The following SLC35D4 variants were observed in gnomAD, a reference collection of about 807,000 sequenced individuals.
SLC35D4 encodes UDP-N-acetylglucosamine transporter SLC35D4.
the SLC35D4 span, among the ~76,000 whole-genome samples, chr18:23,386,004 T>C: frequency 1.6e-4 from 24 of 151,612 alleles, no homozygotes; most frequent in African/African-American, 5.3e-4. Flanking sequence ...ATGGTGGCAG[T>C]TGCCTGTAGT....
At chr18:23,254,313 T>A in the SLC35D4 span, among the ~76,000 whole-genome samples, 1 of 152,232 alleles carries the variant, frequency 6.6e-6, no homozygotes, top group Non-Finnish European at 1.5e-5. Context: ...GCTTCCTACT[T>A]CCTTAGCTGG....
chr18:23,361,020 T>C, the SLC35D4 span, among the ~76,000 whole-genome samples: 1 of 138,100 alleles, frequency 7.2e-6, no homozygotes, highest in Non-Finnish European at 1.5e-5. Context: ...GAGAATCACT[T>C]GAACCCAGGA....
the SLC35D4 span, among the ~76,000 whole-genome samples, chr18:23,291,532 G>A: frequency 2.6e-5 from 4 of 152,348 alleles, no homozygotes; most frequent in Non-Finnish European, 5.9e-5. Context: ...CTGGCAGATG[G>A]GCTGGTCTGG....
the SLC35D4 span, among the ~76,000 whole-genome samples, chr18:23,325,006 G>C: frequency 6.6e-6 from 1 of 152,186 alleles, no homozygotes; most frequent in Non-Finnish European, 1.5e-5. Flanking sequence ...TTTATCAGCA[G>C]ACCAGGGGCA....
chr18:23,372,047 T>C, the SLC35D4 span, among the ~76,000 whole-genome samples: 138,864 of 139,884 alleles, frequency 0.99, 68,941 homozygotes, highest in Middle Eastern at 1. Flanking sequence ...GCCATTCTCC[T>C]GCCTCAGCCT....
chr18:23,275,750 G>C, the SLC35D4 span, among the ~76,000 whole-genome samples: 4 of 152,138 alleles, frequency 2.6e-5, no homozygotes, highest in South Asian at 8.3e-4. Flanking sequence ...AAGTGGGATG[G>C]GGTGTTCTAG....
chr18:23,292,019 C>A, the SLC35D4 span, among the ~76,000 whole-genome samples: 6 of 152,194 alleles, frequency 3.9e-5, no homozygotes, highest in Non-Finnish European at 7.3e-5. Flanking sequence ...TGAGTCCCAG[C>A]CACTTGAACT....
chr18:23,243,499 GT>G, the SLC35D4 span, among the ~76,000 whole-genome samples: 1 of 47,126 alleles, frequency 2.1e-5, no homozygotes, highest in Non-Finnish European at 4.4e-5. Context: ...TGGTCTTTTT[GT>G]TGTTGTTAAC....
chr18:23,342,455 C>A, the SLC35D4 span, among the ~76,000 whole-genome samples: 1 of 151,864 alleles, frequency 6.6e-6, no homozygotes, highest in East Asian at 1.9e-4. Context: ...TATACTATAT[C>A]TTATTTATAT....
chr18:23,399,688 T>A, the SLC35D4 span: 3 of 1,605,684 alleles, frequency 1.9e-6, no homozygotes, highest in East Asian at 6.7e-5. Context: ...TTTGCCACTT[T>A]TTGTTAAGAA....
chr18:23,247,529 C>T, the SLC35D4 span, among the ~76,000 whole-genome samples: 3 of 152,196 alleles, frequency 2.0e-5, no homozygotes, highest in South Asian at 2.1e-4. Flanking sequence ...TGCAGCTGAG[C>T]GGGAGCAGGA....
At chr18:23,357,779 T>C in the SLC35D4 span, among the ~76,000 whole-genome samples, 2 of 152,226 alleles carry the variant, frequency 1.3e-5, no homozygotes, top group Non-Finnish European at 2.9e-5. Flanking sequence ...TTCAATTTCT[T>C]TGGAGGGCTT....
At chr18:23,256,233 C>G in the SLC35D4 span, among the ~76,000 whole-genome samples, 1 of 152,258 alleles carries the variant, frequency 6.6e-6, no homozygotes, top group African/African-American at 2.4e-5. Flanking sequence ...GAGGCCCTCC[C>G]TGTCCATCCC....
the SLC35D4 span, among the ~76,000 whole-genome samples, chr18:23,417,817 A>G: frequency 1.3e-5 from 2 of 152,354 alleles, no homozygotes; most frequent in South Asian, 2.1e-4. Context: ...ATCAGATATT[A>G]TGTGATAATT....
chr18:23,406,673 C>T, the SLC35D4 span, among the ~76,000 whole-genome samples: 3 of 152,374 alleles, frequency 2.0e-5, no homozygotes, highest in South Asian at 6.2e-4. Context: ...TCAGCTACTT[C>T]AGCTATAAAA....
the SLC35D4 span, among the ~76,000 whole-genome samples, chr18:23,238,691 T>C: frequency 6.6e-6 from 1 of 152,230 alleles, no homozygotes; most frequent in Non-Finnish European, 1.5e-5. Context: ...GTTCACTGCC[T>C]TACTTATTAA....
chr18:23,383,848 G>A, the SLC35D4 span, among the ~76,000 whole-genome samples: 1 of 152,082 alleles, frequency 6.6e-6, no homozygotes, highest in African/African-American at 2.4e-5. Flanking sequence ...GTGTAGAAGA[G>A]AGGAGAGATA....
the SLC35D4 span, among the ~76,000 whole-genome samples, chr18:23,279,436 G>C: frequency 6.6e-6 from 1 of 152,152 alleles, no homozygotes; most frequent in Non-Finnish European, 1.5e-5. Flanking sequence ...TTCTGCTACT[G>C]AGTGCTATGA....
the SLC35D4 span, among the ~76,000 whole-genome samples, chr18:23,431,363 T>G: frequency 1.3e-5 from 2 of 152,084 alleles, no homozygotes; most frequent in Non-Finnish European, 2.9e-5. Flanking sequence ...AATGTCACAT[T>G]GTAACTGTAG....
Sources: gnomAD v4.1 joint callset for allele counts (sites outside exome capture counted in the v4.1 genomes callset) on GRCh38, gnomAD v4.1.1 for gene constraint, MANE v1.5 for transcripts, NCBI Gene and HGNC (gene_info 2026-07-23, HGNC 2026-07-21) for gene names.